AFF2: variants seen among roughly 807,000 people sequenced by gnomAD.
AFF2 encodes the protein AF4/FMR2 family member 2.
A neutral mutation model predicts 76.9 loss-of-function variants in AFF2; 14 were observed. The observed-to-expected ratio is 0.18, with a 90% confidence interval of 0.12 to 0.28. The LOEUF is 0.28. AFF2 is among the 10% of genes least tolerant of loss of function. The probability of loss-of-function intolerance (pLI) is 1.00; values close to 1 mark genes in which losing one functional copy is unlikely to be tolerated. For missense variants in AFF2, 868 were observed against 1,001.1 expected, an observed-to-expected ratio of 0.87 and a Z score of 1.79; for synonymous variants, 398 against 366.7, an observed-to-expected ratio of 1.09 and a Z score of -0.98.
chrX:148,701,012 ATGTGTGTGTGTG>A (rs10675200), intron 3 of AFF2, among the ~76,000 whole-genome samples: 3 of 73,738 alleles, frequency 4.1e-5, no homozygotes, highest in African/African-American at 1.7e-4. Flanking sequence ...GAGAGAGAGA[ATGTGTGTGTGTG>A]TGTGTGTGTG....
At chrX:148,907,786 G>C (rs1371616388) in intron 9 of AFF2, among the ~76,000 whole-genome samples, 3 of 111,274 alleles carry the variant, frequency 2.7e-5, no homozygotes, top group Non-Finnish European at 5.7e-5. Context: ...CAGGAGACAG[G>C]GTTTGAGAGC....
rs548213306 is a variant in AFF2, at chrX:148,845,199, A to G, written c.1262+1766A>G. 4.5e-5 allele frequency among the ~76,000 whole-genome samples: 5 copies of G among 111,650 alleles called. No individual in the cohort carries two copies. The South Asian group carries it at 1.1e-3, about 26-fold the overall frequency. On this transcript the variant is annotated intron_variant, in intron 7 of 20. Transcript: ENST00000370460. ...ACAAGTTTCCAAACTTGAAAAAAATATAAAAATAGATTTTCCTATGTAAAA... is the reference window on the plus strand; with the variant it reads ...ACAAGTTTCCAAACTTGAAAAAAATGTAAAAATAGATTTTCCTATGTAAAA...
chrX:148,596,321 C>A (rs2053571108), intron 1 of AFF2, among the ~76,000 whole-genome samples: 1 of 111,835 alleles, frequency 8.9e-6, no homozygotes, highest in Non-Finnish European at 1.9e-5. Flanking sequence ...GGCTGTAGTA[C>A]ATCTGAAGGA....
rs1376472752 is a variant in AFF2, at chrX:148,701,559, T to C, written c.1041+38791T>C. ...ATTATTTCCAACCATTATCCATGATTTCAGATGTTCAAAAATAGAAACAAA... is the reference window on the plus strand; with the variant it reads ...ATTATTTCCAACCATTATCCATGATCTCAGATGTTCAAAAATAGAAACAAA... On this transcript the variant is annotated intron_variant, in intron 3 of 20. Coordinates refer to ENST00000370460, the MANE Select transcript of AFF2 (RefSeq NM_002025.4). 8.0e-5 allele frequency among the ~76,000 whole-genome samples: 9 copies of C among 112,155 alleles called. No individual in the cohort carries two copies. The East Asian group carries it at 2.5e-3, about 31-fold the overall frequency.
intron 1 of AFF2, among the ~76,000 whole-genome samples, chrX:148,590,514 A>G (rs1392897677): frequency 8.1e-5 from 9 of 111,545 alleles, no homozygotes; most frequent in Admixed American, 7.6e-4. Context: ...GTGGTTCTCT[A>G]TGAGAAGCAT....
intron 1 of AFF2, among the ~76,000 whole-genome samples, chrX:148,619,471 A>T (rs1557250944): frequency 8.9e-6 from 1 of 112,314 alleles, no homozygotes; most frequent in Non-Finnish European, 1.9e-5. Context: ...GTAATTGATG[A>T]ACATATTCTT....
At chrX:148,588,833 C>T (rs958096192) in intron 1 of AFF2, among the ~76,000 whole-genome samples, 19 of 111,505 alleles carry the variant, frequency 1.7e-4, no homozygotes, top group East Asian at 2.8e-4. Flanking sequence ...TATTGTGAGT[C>T]GGCGTCAGAA....
rs202095272 is a variant in AFF2 at position 148,842,952 on chromosome X, A to G, written c.1174-14A>G. The G allele has an allele frequency of 8.9e-5, 105 of 1,183,638 alleles. 1 individual carries two copies. The East Asian group carries it at 2.7e-3, about 31-fold the overall frequency. ...TTTAACTAATGTTTGTGTCATATAT[A>G]TTATTCCTTATAGGAATCGCAGCAT... is the stretch of plus-strand genomic sequence containing the variant. On this transcript the variant is annotated splice_polypyrimidine_tract_variant and intron_variant, in intron 5 of 20. Coordinates refer to ENST00000370460, the MANE Select transcript of AFF2 (RefSeq NM_002025.4).
rs980002640 is a variant in AFF2 at position 148,994,538 on chromosome X, C to T, written c.*3206C>T. 18 of 111,948 alleles carry T rather than the reference C, an allele frequency of 1.6e-4. No homozygotes were observed. Among genetic ancestry groups the T allele is most frequent in the Middle Eastern group, 4.6e-3 (1 of 217 alleles). 9.2% of individuals were successfully genotyped at this position (111,948 alleles called of 1,213,427 possible). On this transcript the variant is annotated 3_prime_UTR_variant, in exon 21 of 21. Transcript: ENST00000370460. ...CTACTACTTTTAAAAGACTTAAGGT[C>T]GGGATGCCTTTTTTTCCATGTAAGG...
intron 3 of AFF2, among the ~76,000 whole-genome samples, chrX:148,684,465 T>G (rs2054580992): frequency 8.9e-6 from 1 of 112,202 alleles, no homozygotes; most frequent in Non-Finnish European, 1.9e-5. Context: ...ATGTGATACA[T>G]TTCTTCAAAA....
intron 1 of AFF2, among the ~76,000 whole-genome samples, chrX:148,593,340 G>A (rs1336674551): frequency 8.9e-6 from 1 of 112,354 alleles, no homozygotes; most frequent in Non-Finnish European, 1.9e-5. Context: ...GGCCACCTGG[G>A]AGTGAAAGAG....
At chrX:148,948,960 A>T (rs896392685) in intron 9 of AFF2, among the ~76,000 whole-genome samples, 2 of 111,153 alleles carry the variant, frequency 1.8e-5, no homozygotes, top group African/African-American at 3.3e-5. Flanking sequence ...AAGTTTTTAA[A>T]AGTATTTCCT....
In AFF2 at chrX:148,993,072, A is replaced by G. The variant is rs2072551933; in HGVS notation, c.*1740A>G. ...TTAGATATATCCCCAGTTGCAAAAC[A>G]GCCAGACTTGAGCTGTGCTCTGGTC... is the stretch of plus-strand genomic sequence containing the variant. On this transcript the variant is annotated 3_prime_UTR_variant, in exon 21 of 21. Coordinates refer to ENST00000370460, the MANE Select transcript of AFF2 (RefSeq NM_002025.4). The G allele has an allele frequency of 1.8e-5, 2 of 112,885 alleles. No individual in the cohort carries two copies. Among genetic ancestry groups the G allele is most frequent in the Non-Finnish European group, 3.7e-5 (2 of 53,370 alleles). The allele number at this position is 112,885 out of a possible 1,213,427, so 9.3% of individuals were successfully genotyped here. A position where few individuals can be genotyped will look rare whatever the true frequency, so the allele number is the denominator to read the frequency against.
intron 9 of AFF2, among the ~76,000 whole-genome samples, chrX:148,947,634 A>G (rs2071916459): frequency 8.9e-6 from 1 of 111,812 alleles, no homozygotes; most frequent in Non-Finnish European, 1.9e-5. Flanking sequence ...TCTAGCTAGA[A>G]TAAGTTCAGG....
chrX:148,811,136 G>T (rs1271424979), intron 4 of AFF2, among the ~76,000 whole-genome samples: 5 of 111,149 alleles, frequency 4.5e-5, no homozygotes, highest in Non-Finnish European at 9.4e-5. Flanking sequence ...TTAGGGCAGG[G>T]GTTCCCAATC....
At chrX:148,901,786 G>A (rs782773559) in intron 8 of AFF2, among the ~76,000 whole-genome samples, 5 of 112,029 alleles carry the variant, frequency 4.5e-5, no homozygotes, top group South Asian at 3.7e-4. Context: ...TACAGTGAAA[G>A]CATAGTAACA....
At chrX:148,948,134 AAATTAG>A (rs1481027604) in intron 9 of AFF2, among the ~76,000 whole-genome samples, 8 of 112,634 alleles carry the variant, frequency 7.1e-5, no homozygotes, top group African/African-American at 2.6e-4. Flanking sequence ...ATTTACAGTT[AAATTAG>A]AATTAGAATC....
intron 1 of AFF2, among the ~76,000 whole-genome samples, chrX:148,516,803 C>T (rs1569550637): frequency 9.0e-6 from 1 of 111,661 alleles, no homozygotes; most frequent in Non-Finnish European, 1.9e-5. Flanking sequence ...TGTTGCTCAA[C>T]GTTGGCCCCC....
At chrX:148,789,433 C>T (rs2069862673) in intron 3 of AFF2, among the ~76,000 whole-genome samples, 2 of 111,759 alleles carry the variant, frequency 1.8e-5, no homozygotes, top group Admixed American at 1.9e-4. Context: ...ATGAATCACA[C>T]TTGTAAACTC....
Sources: gnomAD v4.1 joint callset for allele counts (sites outside exome capture counted in the v4.1 genomes callset) on GRCh38, gnomAD v4.1.1 for gene constraint, MANE v1.5 for transcripts, NCBI Gene and HGNC (gene_info 2026-07-23, HGNC 2026-07-21) for gene names.